GABRA3: variants seen among roughly 807,000 people sequenced by gnomAD.
The protein encoded by GABRA3 is gamma-aminobutyric acid receptor subunit alpha-3.
GABRA3 carries 10 observed loss-of-function variants against 30.1 expected under a neutral mutation model. That is an observed-to-expected ratio of 0.33 (90% CI 0.20 to 0.56). The LOEUF is 0.56. GABRA3 is among the 20% of genes least tolerant of loss of function. The pLI is 0.89. For missense variants in GABRA3, 233 were observed against 392.0 expected (o/e 0.59, Z 3.42); for synonymous variants, 151 against 146.8 (o/e 1.03, Z -0.21).
intron 7 of GABRA3, among the ~76,000 whole-genome samples, chrX:152,207,177 G>A: frequency 8.9e-6 from 1 of 111,979 alleles, no homozygotes. Flanking sequence ...AGAGGGAACA[G>A]TGTATGTCTA....
intron 5 of GABRA3, among the ~76,000 whole-genome samples, chrX:152,226,606 G>C (rs759779420): frequency 1.8e-5 from 2 of 111,155 alleles, no homozygotes; most frequent in Admixed American, 9.6e-5. Context: ...ACCTACAAAA[G>C]GGGAGAAAAT....
chrX:152,410,231 G>C (rs1181166602), intron 1 of GABRA3, among the ~76,000 whole-genome samples: 1 of 111,713 alleles, frequency 9.0e-6, no homozygotes, highest in Non-Finnish European at 1.9e-5. Flanking sequence ...AAGGGTTGTG[G>C]GGGGAAGGAT....
At chrX:152,304,927 T>G (rs1939698117) in intron 3 of GABRA3, among the ~76,000 whole-genome samples, 1 of 112,020 alleles carries the variant, frequency 8.9e-6, no homozygotes, top group Non-Finnish European at 1.9e-5. Flanking sequence ...ATATTGATTC[T>G]TCCAACCAAT....
intron 1 of GABRA3, among the ~76,000 whole-genome samples, chrX:152,383,760 C>A (rs112329357): frequency 0.022 from 2,371 of 108,571 alleles, 33 homozygotes; most frequent in South Asian, 0.06. Flanking sequence ...TTCTCGACAG[C>A]GAAAAGTTAA....
chrX:152,305,850 C>A (rs1369868515), intron 3 of GABRA3, among the ~76,000 whole-genome samples: 8 of 111,218 alleles, frequency 7.2e-5, no homozygotes, highest in Non-Finnish European at 1.3e-4. Flanking sequence ...ACAGGATACC[C>A]AGAAACTGTT....
At chrX:152,227,499 T>A (rs1439910066) in intron 5 of GABRA3, among the ~76,000 whole-genome samples, 3 of 106,936 alleles carry the variant, frequency 2.8e-5, no homozygotes, top group South Asian at 8.5e-4. Context: ...AACCTGCACA[T>A]TGTGCACATG....
At chrX:152,328,964 C>T (rs1296141837) in intron 3 of GABRA3, among the ~76,000 whole-genome samples, 1 of 111,769 alleles carries the variant, frequency 8.9e-6, no homozygotes, top group Non-Finnish European at 1.9e-5. Context: ...TCGTCTCAGC[C>T]CAAAATCTCC....
chrX:152,241,557 T>C (rs1342762729), intron 5 of GABRA3, among the ~76,000 whole-genome samples: 3 of 108,958 alleles, frequency 2.8e-5, no homozygotes, highest in Non-Finnish European at 5.8e-5. Flanking sequence ...CCGGCTGCTT[T>C]GTTTACCTAA....
intron 1 of GABRA3, among the ~76,000 whole-genome samples, chrX:152,410,590 C>T (rs895105782): frequency 1.8e-5 from 2 of 110,720 alleles, no homozygotes; most frequent in Non-Finnish European, 3.8e-5. Flanking sequence ...ATTATGTACC[C>T]ATAATTATTT....
At chrX:152,290,647 G>A (rs1209412090) in intron 3 of GABRA3, among the ~76,000 whole-genome samples, 1 of 112,053 alleles carries the variant, frequency 8.9e-6, no homozygotes, top group African/African-American at 3.2e-5. Flanking sequence ...ACGGTTTCAG[G>A]TCTAACATTT....
At chrX:152,238,484 G>C (rs1387857878) in intron 5 of GABRA3, among the ~76,000 whole-genome samples, 2 of 107,090 alleles carry the variant, frequency 1.9e-5, no homozygotes, top group African/African-American at 6.8e-5. Context: ...CCCGGCTTTG[G>C]TATCAGAATG....
intron 1 of GABRA3, among the ~76,000 whole-genome samples, chrX:152,366,245 T>A (rs1374120004): frequency 8.9e-6 from 1 of 112,020 alleles, no homozygotes; most frequent in Non-Finnish European, 1.9e-5. Context: ...AATGTTCAGA[T>A]AATCACGATA....
At chrX:152,182,555 CTA>C (rs777472363) in intron 9 of GABRA3, among the ~76,000 whole-genome samples, 1,380 of 49,992 alleles carry the variant, frequency 0.028, 23 homozygotes, top group Non-Finnish European at 0.041. Flanking sequence ...TATATATACA[CTA>C]TATATATACT....
chrX:152,255,051 T>C (rs1938615125), intron 5 of GABRA3, among the ~76,000 whole-genome samples: 1 of 111,629 alleles, frequency 9.0e-6, no homozygotes, highest in South Asian at 3.7e-4. Flanking sequence ...ATACATAAAA[T>C]TGTGATGTTT....
intron 2 of GABRA3, among the ~76,000 whole-genome samples, chrX:152,352,714 A>G (rs1033603131): frequency 1.8e-4 from 20 of 111,797 alleles, no homozygotes; most frequent in African/African-American, 6.2e-4. Context: ...GGAATTACTG[A>G]GCATATTATG....
At chrX:152,359,718 T>G (rs1054593251) in intron 2 of GABRA3, among the ~76,000 whole-genome samples, 1 of 111,455 alleles carries the variant, frequency 9.0e-6, no homozygotes, top group Non-Finnish European at 1.9e-5. Context: ...CTTAACACTC[T>G]TTAGCCATGT....
chrX:152,266,147 A>C (rs1938819787), intron 4 of GABRA3, among the ~76,000 whole-genome samples: 1 of 111,723 alleles, frequency 9.0e-6, no homozygotes, highest in Non-Finnish European at 1.9e-5. Context: ...CAAGGCCAGC[A>C]TTACCTTCAT....
intron 1 of GABRA3, among the ~76,000 whole-genome samples, chrX:152,409,494 C>A (rs966611093): frequency 8.9e-6 from 1 of 111,953 alleles, no homozygotes; most frequent in African/African-American, 3.2e-5. Flanking sequence ...CTCAAAAGCA[C>A]AGGCAAACAA....
At chrX:152,397,515 G>C (rs775890342) in intron 1 of GABRA3, among the ~76,000 whole-genome samples, 15 of 111,019 alleles carry the variant, frequency 1.4e-4, no homozygotes, top group Admixed American at 2.9e-4. Context: ...TCTAGATCTC[G>C]GGGAGTAAAC....
Sources: allele counts gnomAD v4.1 joint callset (sites outside exome capture counted in the v4.1 genomes callset), GRCh38; gene constraint gnomAD v4.1.1; transcripts MANE v1.5; gene names NCBI Gene and HGNC (gene_info 2026-07-23, HGNC 2026-07-21).